The following NELFCD variants were observed in gnomAD, a reference collection of about 807,000 sequenced individuals.
NELFCD encodes the protein negative elongation factor C/D.
A neutral mutation model predicts 72.9 loss-of-function variants in NELFCD; 48 were observed. The ratio of observed to expected loss-of-function variants is 0.66; its 90% confidence interval spans 0.52 to 0.84. NELFCD has a LOEUF of 0.84. Ranked by LOEUF, NELFCD falls within the 40% of genes least tolerant of loss-of-function variation. The pLI, the probability that NELFCD is intolerant of heterozygous loss-of-function variation, is 0.00. For synonymous variants in NELFCD, 297 were observed against 280.6 expected, an observed-to-expected ratio of 1.06 and a Z score of -0.59; for missense variants, 538 against 723.8, an observed-to-expected ratio of 0.74 and a Z score of 2.94.
chr20:58,987,935 A>T, intron 4 of NELFCD, 118 bp downstream of exon 4: 1 of 735,292 alleles, frequency 1.4e-6, no homozygotes, highest in Non-Finnish European at 2.3e-6. Context: ...CTAAAATCAG[A>T]GTGTGAGACA....
Position 58,987,722 on chromosome 20 carries a change from C to T in NELFCD, c.301C>T (p.Gln101Ter). The T allele has an allele frequency of 6.2e-7, 1 of 1,614,024 alleles. No individual in the cohort carries two copies. Among genetic ancestry groups the T allele is most frequent in the Non-Finnish European group, 8.5e-7 (1 of 1,179,884 alleles). The stretch of plus-strand genomic sequence containing the variant: ...TTCTCTTTCAGGTGTTGAGCCAGTG[C>T]AGGTTCAGGAAACTGTGGAAAATCA... ...WLIQTGVEPVQVQETVENHLK... is the reference protein window; with the variant it reads ...WLIQTGVEPV The change falls in exon 4 of 15, where the codon CAG becomes TAG. Residue 101 changes from glutamine (Q) to a stop codon, truncating the protein, a stop_gained. Coordinates refer to ENST00000652272, the MANE Select transcript of NELFCD (RefSeq NM_198976.4). LOFTEE classifies it high-confidence loss of function.
intron 1 of NELFCD, among the ~76,000 whole-genome samples, chr20:58,981,844 T>G (rs906742523): frequency 6.6e-6 from 1 of 152,214 alleles, no homozygotes; most frequent in African/African-American, 2.4e-5. Flanking sequence ...TGCTTTACTG[T>G]TTTATAAACT....
At chr20:58,981,746 A>G (rs2091734767) in intron 1 of NELFCD, among the ~76,000 whole-genome samples, 1 of 152,114 alleles carries the variant, frequency 6.6e-6, no homozygotes, top group Non-Finnish European at 1.5e-5. Flanking sequence ...TTGGGTCCGG[A>G]GCTCACAGAC....
Position 58,993,615 on chromosome 20 carries a change from C to T in NELFCD, c.1441-9C>T. ...CTCTAACCAGCTCCCTGTCCCCCTT[C>T]TTCTGTAGCTTGAGTTGAAGAAGAC... On this transcript the variant is annotated splice_polypyrimidine_tract_variant and intron_variant, in intron 12 of 14. Coordinates refer to ENST00000652272, the MANE Select transcript of NELFCD (RefSeq NM_198976.4). The surrounding 1 kb of genome is among the most constrained non-coding windows in gnomAD (Gnocchi z 5.0). 1 of 1,614,218 alleles carries T rather than the reference C, an allele frequency of 6.2e-7. No individual in the cohort carries two copies. Among genetic ancestry groups the T allele is most frequent in the Non-Finnish European group, 8.5e-7 (1 of 1,180,028 alleles).
Position 58,987,544 on chromosome 20 carries a change from T to C in NELFCD, c.287-164T>C, listed in dbSNP as rs567456789. ...TGTTCTGTGCTGCTTTTTGGTCTTA[T>C]CATTGATAACTACTTTGAAGAGTTC... is the stretch of plus-strand genomic sequence containing the variant. On this transcript the variant is annotated intron_variant, in intron 3 of 14. Coordinates refer to ENST00000652272, the MANE Select transcript of NELFCD (RefSeq NM_198976.4). 35 of 616,584 alleles carry C rather than the reference T, an allele frequency of 5.7e-5. 1 individual carries two copies. In the Middle Eastern group the frequency reaches 1.3e-3, roughly 22 times the overall value. The allele number at this position is 616,584 out of a possible 1,614,324, so 38.2% of individuals were successfully genotyped here. A position where few individuals can be genotyped will look rare whatever the true frequency, so the allele number is the denominator to read the frequency against.
intron 7 of NELFCD, chr20:58,990,400 CAAAA>C (rs34301819): frequency 9.7e-5 from 12 of 123,430 alleles, no homozygotes; most frequent in East Asian, 2.4e-4. Flanking sequence ...AACTCTGTCT[CAAAA>C]AAAAAAAAAA....
intron 1 of NELFCD, among the ~76,000 whole-genome samples, chr20:58,981,979 G>T (rs1402155258): frequency 3.3e-5 from 5 of 151,980 alleles, no homozygotes; most frequent in African/African-American, 1.2e-4. Flanking sequence ...CCACCCTGAG[G>T]ACAGGGACTG....
At chr20:58,991,472 G>C (rs1388048437) in intron 9 of NELFCD, 26 bp downstream of exon 9, 24 of 1,612,696 alleles carry the variant, frequency 1.5e-5, no homozygotes, top group Non-Finnish European at 2.0e-5. Flanking sequence ...GGAATTTGTG[G>C]ATTTTTTAGG....
rs1364718645 is a variant in NELFCD, at chr20:58,986,532, C to T, written c.177-222C>T. On this transcript the variant is annotated intron_variant, in intron 2 of 14. Coordinates refer to ENST00000652272, the MANE Select transcript of NELFCD (RefSeq NM_198976.4). The surrounding 1 kb of genome is among the most constrained non-coding windows in gnomAD (Gnocchi z 4.4). Reference sequence around the variant, plus strand: ...TTTTGTTTTTGTTTTTTGGGAGAGACAGGGCTCCTTACGTTGCCCTGGCTG... The same window carrying T: ...TTTTGTTTTTGTTTTTTGGGAGAGATAGGGCTCCTTACGTTGCCCTGGCTG... 4 of 568,094 alleles carry T rather than the reference C, an allele frequency of 7.0e-6. No homozygotes were observed. Among genetic ancestry groups the T allele is most frequent in the Non-Finnish European group, 9.3e-6 (3 of 324,188 alleles). The allele number at this position is 568,094 out of a possible 1,614,324, so 35.2% of individuals were successfully genotyped here. A position where few individuals can be genotyped will look rare whatever the true frequency, so the allele number is the denominator to read the frequency against.
rs2091828379 is a variant in NELFCD at position 58,992,922 on chromosome 20, C to CTT, written c.1230-74_1230-73dup. 3 of 966,692 alleles carry CTT rather than the reference C, an allele frequency of 3.1e-6. No homozygotes were observed. The East Asian group carries it at 8.7e-5, about 28-fold the overall frequency. 59.9% of individuals were successfully genotyped at this position (966,692 alleles called of 1,614,324 possible). On this transcript the variant is annotated intron_variant, in intron 10 of 14. Transcript: ENST00000652272. ...TGGAGTCATTTGAGTTTGTTTTTAACTTTCCTTTAATGCTTTTCTAGCATA... is the reference window on the plus strand; with the variant it reads ...TGGAGTCATTTGAGTTTGTTTTTAACTTTTTCCTTTAATGCTTTTCTAGCATA...
intron 1 of NELFCD, among the ~76,000 whole-genome samples, chr20:58,984,958 C>G (rs1256430786): frequency 2.0e-5 from 3 of 152,236 alleles, no homozygotes; most frequent in Non-Finnish European, 4.4e-5. Context: ...GAAGACTCCA[C>G]AGCTTTTACT....
Position 58,981,313 on chromosome 20 carries a change from G to A in NELFCD, c.4G>A (p.Asp2Asn). 4 of 1,094,412 alleles carry A rather than the reference G, an allele frequency of 3.7e-6. No homozygotes were observed. The highest frequency in any genetic ancestry group is 4.5e-6 in the Non-Finnish European group (4 of 896,508). The allele number at this position is 1,094,412 out of a possible 1,614,324, so 67.8% of individuals were successfully genotyped here. Reference sequence around the variant, plus strand: ...GGGGGCCGTGCCGGGCGCCATCATGGACGAGGACTACTACGGGAGCGCGGC... The same window carrying A: ...GGGGGCCGTGCCGGGCGCCATCATGAACGAGGACTACTACGGGAGCGCGGC... M[D>N]EDYYGSAAEW... The change falls in exon 1 of 15, where the codon GAC becomes AAC. Residue 2 changes from aspartate to asparagine, a missense_variant. Asp to Asn is a conservative substitution (Grantham distance 23). Around this residue, in one of 3 missense-constraint regions of NELFCD, gnomAD observed 47 missense variants for 35.3 expected, o/e 1.33. Coordinates refer to ENST00000652272, the MANE Select transcript of NELFCD (RefSeq NM_198976.4).
In NELFCD at chr20:58,992,033, A is replaced by T. The variant is rs745976360; in HGVS notation, c.1229+13A>T. ...ATCAGTGTATTAGGTAAGCAAAACGAAACTCAGTTCTTAAATCAGTCCTTT... is the reference window on the plus strand; with the variant it reads ...ATCAGTGTATTAGGTAAGCAAAACGTAACTCAGTTCTTAAATCAGTCCTTT... On this transcript the variant is annotated intron_variant, in intron 10 of 14. Coordinates refer to ENST00000652272, the MANE Select transcript of NELFCD (RefSeq NM_198976.4). 1 of 1,600,804 alleles carries T rather than the reference A, an allele frequency of 6.2e-7. No individual in the cohort carries two copies. The highest frequency in any genetic ancestry group is 1.7e-5 in the Admixed American group (1 of 58,768).
chr20:58,994,868 T>A lies in NELFCD; in HGVS notation c.*192T>A. ...AACTGCCCTTACAAACAGTCCCTTC[T>A]CTGCTGTCAATCCAATACTGCTCCC... On this transcript the variant is annotated 3_prime_UTR_variant, in exon 15 of 15. Coordinates refer to ENST00000652272, the MANE Select transcript of NELFCD (RefSeq NM_198976.4). 1 of 603,122 alleles carries A rather than the reference T, an allele frequency of 1.7e-6. No homozygotes were observed. The highest frequency in any genetic ancestry group is 2.8e-5 in the East Asian group (1 of 35,178). The allele number at this position is 603,122 out of a possible 1,614,324, so 37.4% of individuals were successfully genotyped here.
Position 58,987,026 on chromosome 20 carries a change from C to T in NELFCD, c.286+163C>T, listed in dbSNP as rs2091777664. On this transcript the variant is annotated intron_variant, in intron 3 of 14. Transcript: ENST00000652272. ...CTTACTCATTTTTATCTTTATCTTA[C>T]TCATTTGTATCTGCTTGCCTCTTAT... is the stretch of plus-strand genomic sequence containing the variant. The T allele has an allele frequency of 2.7e-5, 15 of 559,442 alleles. No homozygotes were observed. In the East Asian group the frequency reaches 4.4e-4, roughly 16 times the overall value. 34.7% of individuals were successfully genotyped at this position (559,442 alleles called of 1,614,324 possible).
chr20:58,987,882 A>G (rs1219749591), intron 4 of NELFCD, 65 bp downstream of exon 4: 9 of 1,210,242 alleles, frequency 7.4e-6, no homozygotes, highest in Non-Finnish European at 1.1e-5. Flanking sequence ...CCCTGTGTAC[A>G]GTGGAGCGTG....
At position 58,993,830 on chromosome 20, in the gene NELFCD, A is replaced by G. The variant is rs1192408953; in HGVS notation, c.1581+66A>G. The G allele has an allele frequency of 1.3e-6, 2 of 1,531,252 alleles. No homozygotes were observed. The highest frequency in any genetic ancestry group is 2.7e-5 in the African/African-American group (2 of 73,416). The allele number at this position is 1,531,252 out of a possible 1,614,324, so 94.9% of individuals were successfully genotyped here. Reference sequence around the variant, plus strand: ...CACTAGCACTGCCCTTTTTGGCTTAATTTAGTTCATTTTGTACCTAACTGA... The same window carrying G: ...CACTAGCACTGCCCTTTTTGGCTTAGTTTAGTTCATTTTGTACCTAACTGA... On this transcript the variant is annotated intron_variant, in intron 13 of 14. Coordinates refer to ENST00000652272, the MANE Select transcript of NELFCD (RefSeq NM_198976.4). The surrounding 1 kb of genome is among the most constrained non-coding windows in gnomAD (Gnocchi z 5.0).
At chr20:58,984,961 C>G (rs943407094) in intron 1 of NELFCD, among the ~76,000 whole-genome samples, 1 of 152,214 alleles carries the variant, frequency 6.6e-6, no homozygotes, top group Non-Finnish European at 1.5e-5. Flanking sequence ...GACTCCACAG[C>G]TTTTACTGGG....
At chr20:58,982,237 A>C (rs1243609046) in intron 1 of NELFCD, among the ~76,000 whole-genome samples, 1 of 138,964 alleles carries the variant, frequency 7.2e-6, no homozygotes, top group Non-Finnish European at 1.5e-5. Flanking sequence ...GCTCACTGCA[A>C]CGTCTGCCTC....
Sources: gnomAD v4.1 joint callset for allele counts (sites outside exome capture counted in the v4.1 genomes callset) on GRCh38, gnomAD v4.1.1 for gene constraint, gnomAD v4.1.1 regional missense constraint, Gnocchi (gnomAD v3.1) non-coding constraint, MANE v1.5 for transcripts, NCBI Gene and HGNC (gene_info 2026-07-23, HGNC 2026-07-21) for gene names.